The following CDK14 variants were observed in gnomAD, a reference collection of about 807,000 sequenced individuals.
CDK14 encodes cyclin dependent kinase 14, also known as cyclin-dependent kinase 14.
A neutral mutation model predicts 60.7 loss-of-function variants in CDK14; 34 were observed. The observed-to-expected ratio is 0.56, with a 90% CI of 0.43 to 0.75. The LOEUF is 0.75. Ranked by LOEUF, CDK14 falls within the 30% of genes least tolerant of loss-of-function variation. CDK14 has a pLI of 0.00. For synonymous variants in CDK14, 197 were observed against 203.7 expected (o/e 0.97, Z 0.28); for missense variants, 482 against 564.1 (o/e 0.85, Z 1.47).
chr7:91,077,071 G>A (rs1437753907), intron 11 of CDK14, among the ~76,000 whole-genome samples: 3 of 152,146 alleles, frequency 2.0e-5, no homozygotes, highest in Non-Finnish European at 4.4e-5. Context: ...GTTCAATCAT[G>A]GTGGAAGACA....
intron 10 of CDK14, among the ~76,000 whole-genome samples, chr7:91,006,361 T>C (rs895466942): frequency 6.6e-6 from 1 of 152,230 alleles, no homozygotes; most frequent in Non-Finnish European, 1.5e-5. Flanking sequence ...TTCTGGCAAG[T>C]TAAGTAGAAA....
chr7:90,836,328 T>C (rs1321147116), intron 5 of CDK14, among the ~76,000 whole-genome samples: 2 of 152,238 alleles, frequency 1.3e-5, no homozygotes, highest in Non-Finnish European at 2.9e-5. Context: ...ATCCTTATTC[T>C]ATAAGCTATT....
chr7:90,615,023 A>G (rs1352560422), intron 2 of CDK14, among the ~76,000 whole-genome samples: 2 of 152,126 alleles, frequency 1.3e-5, no homozygotes, highest in Admixed American at 6.5e-5. Context: ...GCAACATTAT[A>G]TGATTAATTT....
chr7:90,902,427 A>G (rs1476891748), intron 7 of CDK14, among the ~76,000 whole-genome samples: 1 of 152,156 alleles, frequency 6.6e-6, no homozygotes, highest in African/African-American at 2.4e-5. Context: ...AAATGCTCAG[A>G]ATAGAGAACC....
chr7:90,751,459 C>A (rs560891146), intron 4 of CDK14, among the ~76,000 whole-genome samples: 1 of 151,954 alleles, frequency 6.6e-6, no homozygotes, highest in Non-Finnish European at 1.5e-5. Context: ...GTTTTCCAGA[C>A]AAGCAAGTGC....
chr7:90,612,771 C>CA (rs531162992), intron 2 of CDK14, among the ~76,000 whole-genome samples: 2,047 of 91,518 alleles, frequency 0.022, 41 homozygotes, highest in South Asian at 0.045. Context: ...GACTCTGTCT[C>CA]AAAAAAAAAA....
At chr7:90,610,631 C>G (rs774619000) in intron 2 of CDK14, among the ~76,000 whole-genome samples, 2 of 152,202 alleles carry the variant, frequency 1.3e-5, no homozygotes, top group Non-Finnish European at 2.9e-5. Context: ...TTTCAGAGGA[C>G]TGTTAGAGAA....
intron 14 of CDK14, among the ~76,000 whole-genome samples, chr7:91,176,436 A>G (rs1198394976): frequency 6.6e-6 from 1 of 152,218 alleles, no homozygotes; most frequent in Non-Finnish European, 1.5e-5. Flanking sequence ...AAAAGCTAGC[A>G]GAAGCAAGAA....
At chr7:90,628,535 T>C (rs897061932) in intron 2 of CDK14, among the ~76,000 whole-genome samples, 1 of 152,084 alleles carries the variant, frequency 6.6e-6, no homozygotes, top group African/African-American at 2.4e-5. Flanking sequence ...TAAGATGAAA[T>C]TTGGGCCAGG....
intron 4 of CDK14, among the ~76,000 whole-genome samples, chr7:90,780,664 T>C (rs1722879158): frequency 6.6e-6 from 1 of 150,814 alleles, no homozygotes. Flanking sequence ...TTTGGTTTTT[T>C]GTTCTTGCGA....
In CDK14 at chr7:91,068,595, C is replaced by T. The variant is rs556188402; in HGVS notation, c.1106-10837C>T. On this transcript the variant is annotated intron_variant, in intron 11 of 14. Transcript: ENST00000380050. ...CATCGACTCCTCCCTTTCTGTCGCACTTCATTTCTAACTCACCAGCAGATC... is the reference window on the plus strand; with the variant it reads ...CATCGACTCCTCCCTTTCTGTCGCATTTCATTTCTAACTCACCAGCAGATC... Among the ~76,000 whole-genome samples, 102 of 152,224 alleles carry T rather than the reference C, an allele frequency of 6.7e-4. 1 individual carries two copies. In the South Asian group the frequency reaches 0.021, roughly 31 times the overall value.
At chr7:90,685,538 G>A (rs1325379885) in intron 2 of CDK14, among the ~76,000 whole-genome samples, 1 of 151,698 alleles carries the variant, frequency 6.6e-6, no homozygotes, top group Non-Finnish European at 1.5e-5. Flanking sequence ...AGTGTTAGTG[G>A]CACTGTCATA....
chr7:90,762,582 A>T (rs1032210018), intron 4 of CDK14, among the ~76,000 whole-genome samples: 134 of 152,228 alleles, frequency 8.8e-4, no homozygotes, highest in Non-Finnish European at 1.5e-3. Flanking sequence ...CAGGGTGGAT[A>T]AAAAAACAAG....
At chr7:90,957,565 A>G (rs924640248) in intron 9 of CDK14, among the ~76,000 whole-genome samples, 15 of 151,940 alleles carry the variant, frequency 9.9e-5, no homozygotes, top group Non-Finnish European at 2.2e-4. Context: ...ACAACAGACA[A>G]ACAGAGAGCC....
intron 11 of CDK14, among the ~76,000 whole-genome samples, chr7:91,062,785 A>G (rs952452801): frequency 2.0e-5 from 3 of 152,098 alleles, no homozygotes; most frequent in African/African-American, 4.8e-5. Context: ...AAGGTGTACT[A>G]TACCCCACTA....
At chr7:90,622,476 TGCA>T (rs1242096830) in intron 2 of CDK14, among the ~76,000 whole-genome samples, 1 of 152,246 alleles carries the variant, frequency 6.6e-6, no homozygotes, top group East Asian at 1.9e-4. Flanking sequence ...GTCCTCAGCA[TGCA>T]ATTGGGCATA....
chr7:90,767,304 T>G (rs1020710242), intron 4 of CDK14, among the ~76,000 whole-genome samples: 3 of 152,206 alleles, frequency 2.0e-5, no homozygotes, highest in African/African-American at 7.2e-5. Flanking sequence ...TCCATGTACC[T>G]TATACCTTCC....
intron 9 of CDK14, among the ~76,000 whole-genome samples, chr7:90,962,436 A>G (rs1794628553): frequency 6.6e-6 from 1 of 152,098 alleles, no homozygotes; most frequent in South Asian, 2.1e-4. Flanking sequence ...CAGTGAGTTG[A>G]GATCGCACCA....
At chr7:91,128,693 C>T (rs748822357) in intron 14 of CDK14, among the ~76,000 whole-genome samples, 23 of 151,956 alleles carry the variant, frequency 1.5e-4, no homozygotes, top group Non-Finnish European at 3.1e-4. Context: ...AAGCCCTTAC[C>T]GTAAACTCAA....
Sources: gnomAD v4.1 joint callset for allele counts (sites outside exome capture counted in the v4.1 genomes callset) on GRCh38, gnomAD v4.1.1 for gene constraint, MANE v1.5 for transcripts, NCBI Gene and HGNC (gene_info 2026-07-23, HGNC 2026-07-21) for gene names.